The following DENND5B variants were observed in gnomAD, a reference collection of about 807,000 sequenced individuals.
The protein encoded by DENND5B is DENN domain-containing protein 5B.
A neutral mutation model predicts 140.6 loss-of-function variants in DENND5B; 34 were observed. That is an observed-to-expected ratio of 0.24 (90% CI 0.18 to 0.32). The LOEUF is 0.32. DENND5B is among the 10% of genes least tolerant of loss of function. The pLI is 1.00. For synonymous variants in DENND5B, 551 were observed against 562.1 expected, an observed-to-expected ratio of 0.98 and a Z score of 0.28; for missense variants, 1,142 against 1,560.2, an observed-to-expected ratio of 0.73 and a Z score of 4.52.
chr12:31,591,044 C>T lies in DENND5B; in HGVS notation c.-212G>A. On this transcript the variant is annotated 5_prime_UTR_variant, in exon 1 of 21. Transcript: ENST00000389082. Reference sequence around the variant, plus strand: ...GGGCTCGCGCGCGGCGGGTCCGGAGCCCGGCCGGGTGGGGGAGGGGCGCGG... The same window carrying T: ...GGGCTCGCGCGCGGCGGGTCCGGAGTCCGGCCGGGTGGGGGAGGGGCGCGG... 1 of 309,476 alleles carries T rather than the reference C, an allele frequency of 3.2e-6. No individual in the cohort carries two copies. Among genetic ancestry groups the T allele is most frequent in the Non-Finnish European group, 4.7e-6 (1 of 212,720 alleles). 19.2% of individuals were successfully genotyped at this position (309,476 alleles called of 1,614,324 possible). A position where few individuals can be genotyped will look rare whatever the true frequency, so the allele number is the denominator to read the frequency against.
chr12:31,496,910 C>G (rs1434154992), intron 1 of DENND5B, among the ~76,000 whole-genome samples: 1 of 152,002 alleles, frequency 6.6e-6, no homozygotes, highest in Non-Finnish European at 1.5e-5. Context: ...ACTAGAAGAT[C>G]TTGCAACAAT....
chr12:31,448,819 TA>T (rs1461115476), intron 5 of DENND5B, among the ~76,000 whole-genome samples: 1 of 151,586 alleles, frequency 6.6e-6, no homozygotes, highest in African/African-American at 2.4e-5. Context: ...GAGGCCAGCC[TA>T]AAGAAACATA....
intron 1 of DENND5B, among the ~76,000 whole-genome samples, chr12:31,565,759 T>C (rs1298383036): frequency 6.6e-6 from 1 of 152,204 alleles, no homozygotes; most frequent in Non-Finnish European, 1.5e-5. Context: ...ATTCTGCCAC[T>C]AGCAATGCAA....
chr12:31,570,540 G>C (rs1172822204), intron 1 of DENND5B, among the ~76,000 whole-genome samples: 1 of 150,036 alleles, frequency 6.7e-6, no homozygotes, highest in African/African-American at 2.5e-5. Context: ...GCCTCCCAAA[G>C]TGCTGGGATT....
At chr12:31,553,754 G>T (rs1949161007) in intron 1 of DENND5B, among the ~76,000 whole-genome samples, 1 of 151,960 alleles carries the variant, frequency 6.6e-6, no homozygotes, top group South Asian at 2.1e-4. Flanking sequence ...CTCCTGTATT[G>T]GGTGCATATA....
intron 3 of DENND5B, among the ~76,000 whole-genome samples, chr12:31,479,388 C>T (rs564849141): frequency 6.6e-6 from 1 of 152,342 alleles, no homozygotes; most frequent in South Asian, 2.1e-4. Context: ...CTTCCTATTT[C>T]TCTCTGCAGT....
At chr12:31,402,725 G>A (rs1941870910) in intron 14 of DENND5B, 82 bp from the exon 15 acceptor site, 14 of 1,440,090 alleles carry the variant, frequency 9.7e-6, no homozygotes, top group Non-Finnish European at 1.3e-5. Flanking sequence ...AACTCTTGTT[G>A]GTTTTCATTG....
intron 14 of DENND5B, among the ~76,000 whole-genome samples, chr12:31,404,896 A>AT (rs1472085686): frequency 6.6e-6 from 1 of 150,904 alleles, no homozygotes; most frequent in Non-Finnish European, 1.5e-5. Context: ...AGTAGCTGGG[A>AT]TTACAACTGC....
intron 1 of DENND5B, among the ~76,000 whole-genome samples, chr12:31,527,814 A>G (rs1441882477): frequency 6.6e-6 from 1 of 152,168 alleles, no homozygotes; most frequent in Admixed American, 6.5e-5. Context: ...TTGTATTAAT[A>G]ATAGGCTTTA....
At position 31,449,324 on chromosome 12, in the gene DENND5B, T is replaced by A. The variant is rs2061764267; in HGVS notation, c.1630-1555A>T. On this transcript the variant is annotated intron_variant, in intron 5 of 20. Coordinates refer to ENST00000389082, the MANE Select transcript of DENND5B (RefSeq NM_144973.4). ...TTTAAGTAGTTCCATAGTTCAGGTGTATATACATAAATCCAAATAACCACA... is the reference window on the plus strand; with the variant it reads ...TTTAAGTAGTTCCATAGTTCAGGTGAATATACATAAATCCAAATAACCACA... 2.0e-5 allele frequency among the ~76,000 whole-genome samples: 3 copies of A among 152,240 alleles called. No individual in the cohort carries two copies. In the South Asian group the frequency reaches 6.2e-4, roughly 31 times the overall value.
chr12:31,401,765 G>A (rs1252995058), intron 15 of DENND5B, among the ~76,000 whole-genome samples: 4 of 151,994 alleles, frequency 2.6e-5, no homozygotes, highest in Non-Finnish European at 5.9e-5. Flanking sequence ...CAGACTACAG[G>A]TGCATGCCAC....
chr12:31,427,605 C>A (rs1437358773), intron 8 of DENND5B, among the ~76,000 whole-genome samples: 50 of 140,060 alleles, frequency 3.6e-4, no homozygotes, highest in East Asian at 4.3e-4. Flanking sequence ...GACTCCATCT[C>A]AAAAAAAAAA....
chr12:31,428,179 C>T (rs984346309), intron 8 of DENND5B, among the ~76,000 whole-genome samples: 2 of 151,974 alleles, frequency 1.3e-5, no homozygotes, highest in Non-Finnish European at 2.9e-5. Context: ...CATGGTGAAA[C>T]GCCATCTCTA....
At chr12:31,579,714 G>A (rs1364365669) in intron 1 of DENND5B, among the ~76,000 whole-genome samples, 2 of 105,608 alleles carry the variant, frequency 1.9e-5, no homozygotes, top group African/African-American at 7.0e-5. Context: ...GAGAAAGAGT[G>A]AGAGAAAGAG....
At chr12:31,577,135 T>C (rs574656175) in intron 1 of DENND5B, among the ~76,000 whole-genome samples, 2 of 152,352 alleles carry the variant, frequency 1.3e-5, no homozygotes, top group Non-Finnish European at 2.9e-5. Context: ...CAAGCTGTAC[T>C]GAGGAATTAA....
At chr12:31,500,356 T>A in intron 1 of DENND5B, 1 of 453,862 alleles carries the variant, frequency 2.2e-6, no homozygotes, top group Non-Finnish European at 4.4e-6. Context: ...CTAAAAAGTA[T>A]GACAGTAAGA....
chr12:31,565,440 G>C (rs1477989466), intron 1 of DENND5B, among the ~76,000 whole-genome samples: 2 of 152,156 alleles, frequency 1.3e-5, no homozygotes, highest in African/African-American at 4.8e-5. Context: ...TATACATCTT[G>C]CTTATGTGGA....
intron 1 of DENND5B, among the ~76,000 whole-genome samples, chr12:31,578,126 CAAAA>C (rs5797421): frequency 3.6e-4 from 28 of 77,354 alleles, no homozygotes; most frequent in South Asian, 5.0e-4. Context: ...GACGCTGTCT[CAAAA>C]AAAAAAAAAA....
At chr12:31,539,766 T>A (rs185901274) in intron 1 of DENND5B, among the ~76,000 whole-genome samples, 14 of 151,956 alleles carry the variant, frequency 9.2e-5, no homozygotes, top group Admixed American at 9.2e-4. Flanking sequence ...GACTCTCAGC[T>A]AGTATCATAC....
Sources: allele counts gnomAD v4.1 joint callset (sites outside exome capture counted in the v4.1 genomes callset), GRCh38; gene constraint gnomAD v4.1.1; transcripts MANE v1.5; gene names NCBI Gene and HGNC (gene_info 2026-07-23, HGNC 2026-07-21).